The following FAM91A1 variants were observed in gnomAD, a reference collection of about 807,000 sequenced individuals.
FAM91A1 encodes protein FAM91A1.
A neutral mutation model predicts 113.5 loss-of-function variants in FAM91A1; 41 were observed. The ratio of observed to expected loss-of-function variants is 0.36; its 90% CI spans 0.28 to 0.47. The LOEUF (loss-of-function observed/expected upper bound fraction) is 0.47. FAM91A1 is among the 20% of genes least tolerant of loss of function. The pLI, the probability that FAM91A1 is intolerant of heterozygous loss-of-function variation, is 1.00. For missense variants in FAM91A1, 696 were observed against 1,001.2 expected (o/e 0.70, Z 4.11); for synonymous variants, 307 against 347.9 (o/e 0.88, Z 1.31).
Position 123,784,511 on chromosome 8 carries a change from G to T in FAM91A1, c.745G>T (p.Asp249Tyr). The T allele has an allele frequency of 6.2e-7, 1 of 1,607,090 alleles. No homozygotes were observed. The highest frequency in any genetic ancestry group is 1.1e-5 in the South Asian group (1 of 89,016). ...TTTTGTAATGAATCGAGTGCAAGGT[G>T]ATTATTTTGAAACTCTACTCTATAA... ...EGFVMNRVQG[D>Y]YFETLLYKIF... The change falls in exon 9 of 24, where the codon GAT becomes TAT. Residue 249 changes from aspartate to tyrosine, a missense_variant. By Grantham distance (160) the Asp-to-Tyr change is radical (BLOSUM62 -3). Coordinates refer to ENST00000334705, the MANE Select transcript of FAM91A1 (RefSeq NM_144963.4).
chr8:123,814,931 G>A lies in FAM91A1; in HGVS notation c.*2227G>A, dbSNP rs191728408. On this transcript the variant is annotated 3_prime_UTR_variant, in exon 24 of 24. Coordinates refer to ENST00000334705, the MANE Select transcript of FAM91A1 (RefSeq NM_144963.4). ...TTTACGTCCAATTATTTTGCAAATA[G>A]TTAATTTCATTTGGCTTTTTACCAT... 6.5e-6 allele frequency: 1 copy of A among 152,698 alleles called. No individual in the cohort carries two copies. Among genetic ancestry groups the A allele is most frequent in the Admixed American group, 6.5e-5 (1 of 15,286 alleles). 9.5% of individuals were successfully genotyped at this position (152,698 alleles called of 1,614,324 possible).
chr8:123,776,053 T>G (rs1237900215), intron 3 of FAM91A1, among the ~76,000 whole-genome samples: 1 of 152,224 alleles, frequency 6.6e-6, no homozygotes, highest in East Asian at 1.9e-4. Context: ...CCCAACATTA[T>G]ATAATACAGG....
At chr8:123,806,814 T>A (rs1247410605) in intron 20 of FAM91A1, among the ~76,000 whole-genome samples, 1 of 152,166 alleles carries the variant, frequency 6.6e-6, no homozygotes, top group Admixed American at 6.5e-5. Flanking sequence ...TTGCAACCAT[T>A]CCCTGCTTAG....
rs13249510 is a variant in FAM91A1 at position 123,787,687 on chromosome 8, A to T, written c.1215A>T (p.Thr405=). 1.2e-6 allele frequency: 2 copies of T among 1,612,814 alleles called. No homozygotes were observed. Among genetic ancestry groups the T allele is most frequent in the Admixed American group, 3.3e-5 (2 of 59,816 alleles). The change falls in exon 14 of 24, where the codon ACA becomes ACT. Residue 405 remains threonine (T), a synonymous_variant. Coordinates refer to ENST00000334705, the MANE Select transcript of FAM91A1 (RefSeq NM_144963.4). ...AGAACTTGAAAAGTCATGCAGTCAC[A>T]ATGTTTGAAGTAGGCAAACTCTCAG... ...LSPNLKSHAV[T]MFEVGKLSDE...
In FAM91A1 at chr8:123,775,539, A is replaced by G. The variant is rs78916591; in HGVS notation, c.309+241A>G. Among the ~76,000 whole-genome samples, 877 of 152,230 alleles carry G rather than the reference A, an allele frequency of 5.8e-3. 5 individuals carry two copies. Among genetic ancestry groups the G allele is most frequent in the Non-Finnish European group, 0.01 (690 of 68,016 alleles). On this transcript the variant is annotated intron_variant, in intron 3 of 23. Coordinates refer to ENST00000334705, the MANE Select transcript of FAM91A1 (RefSeq NM_144963.4). ...TTTCTCTTCTGGTCTTGAAGGTGCT[A>G]TTGACCCTTTGTGCTGTTGTAGTAC...
chr8:123,809,536 G>T (rs996300100), intron 22 of FAM91A1, among the ~76,000 whole-genome samples: 2 of 152,196 alleles, frequency 1.3e-5, no homozygotes, highest in Non-Finnish European at 2.9e-5. Context: ...CTGATCCATT[G>T]TGAGTAGCTG....
intron 18 of FAM91A1, among the ~76,000 whole-genome samples, chr8:123,802,926 CAG>C (rs1815721781): frequency 6.6e-6 from 1 of 152,190 alleles, no homozygotes; most frequent in Admixed American, 6.5e-5. Flanking sequence ...AGGAAGATCT[CAG>C]AAAACGTTAT....
At chr8:123,772,772 C>T (rs1814885958) in intron 1 of FAM91A1, among the ~76,000 whole-genome samples, 2 of 152,280 alleles carry the variant, frequency 1.3e-5, no homozygotes, top group Non-Finnish European at 2.9e-5. Flanking sequence ...TGACTGGAAG[C>T]CTCGGCCATA....
intron 18 of FAM91A1, among the ~76,000 whole-genome samples, chr8:123,803,891 G>A (rs1815743730): frequency 6.6e-6 from 1 of 152,230 alleles, no homozygotes; most frequent in South Asian, 2.1e-4. Flanking sequence ...CTCTCTTAAA[G>A]GGAAGAATTT....
At chr8:123,799,923 T>G (rs894151568) in intron 18 of FAM91A1, 38 bp downstream of exon 18, 4 of 1,484,236 alleles carry the variant, frequency 2.7e-6, no homozygotes, top group African/African-American at 1.4e-5. Flanking sequence ...CTTTTTATTA[T>G]AAAGTTGATA....
intron 16 of FAM91A1, among the ~76,000 whole-genome samples, 156 bp downstream of exon 16, chr8:123,798,394 A>G (rs2130129135): frequency 6.6e-6 from 1 of 152,254 alleles, no homozygotes; most frequent in East Asian, 1.9e-4. Context: ...CAATTTGTGG[A>G]GTGTAATTGG....
intron 8 of FAM91A1, among the ~76,000 whole-genome samples, chr8:123,783,710 G>A (rs1815181302): frequency 6.6e-6 from 1 of 152,242 alleles, no homozygotes. Flanking sequence ...GGGGAGAATG[G>A]CAAAGGAAAG....
intron 23 of FAM91A1, 48 bp from the exon 24 acceptor site, chr8:123,812,470 GT>G (rs1372054657): frequency 6.7e-7 from 1 of 1,490,230 alleles, no homozygotes; most frequent in Non-Finnish European, 9.0e-7. Flanking sequence ...ATATTAAGTG[GT>G]TTTGGTAAAG....
chr8:123,787,325 G>T lies in FAM91A1; in HGVS notation c.1143G>T (p.Leu381=), dbSNP rs1815283812. The T allele has an allele frequency of 6.2e-7, 1 of 1,611,616 alleles. No homozygotes were observed. ...GACACACGAAGCGCATCGCATTCCT[G>T]TTTGACTCCACTCTTACTGCCTTCT... ...STGHTKRIAF[L]FDSTLTAFLM... is the part of the protein sequence containing the mutation. Residue 381 remains leucine, a synonymous_variant, in exon 13 of 24, where the codon CTG becomes CTT. Transcript: ENST00000334705.
Position 123,814,977 on chromosome 8 carries a change from C to T in FAM91A1, c.*2273C>T, listed in dbSNP as rs983072263. 3.9e-5 allele frequency: 6 copies of T among 152,406 alleles called. No homozygotes were observed. Among genetic ancestry groups the T allele is most frequent in the African/African-American group, 7.3e-5 (3 of 41,378 alleles). The allele number at this position is 152,406 out of a possible 1,614,324, so 9.4% of individuals were successfully genotyped here. ...ACCATGTTCCTTCCTTTCTTTTTCCCGCTTCCTTAATGTAATTTAAACCCT... is the reference window on the plus strand; with the variant it reads ...ACCATGTTCCTTCCTTTCTTTTTCCTGCTTCCTTAATGTAATTTAAACCCT... On this transcript the variant is annotated 3_prime_UTR_variant, in exon 24 of 24. Coordinates refer to ENST00000334705, the MANE Select transcript of FAM91A1 (RefSeq NM_144963.4).
chr8:123,787,550 C>A, intron 13 of FAM91A1, 114 bp from the exon 14 acceptor site: 3 of 1,030,270 alleles, frequency 2.9e-6, no homozygotes, highest in Non-Finnish European at 4.2e-6. Flanking sequence ...ATTAGCCCCT[C>A]ACCCCCCAAT....
chr8:123,779,168 G>A (rs1815059971), intron 6 of FAM91A1, among the ~76,000 whole-genome samples: 1 of 152,206 alleles, frequency 6.6e-6, no homozygotes, highest in African/African-American at 2.4e-5. Flanking sequence ...CCAGAGGTAT[G>A]TATTATTTGT....
chr8:123,809,150 C>T (rs1044590909), intron 22 of FAM91A1, 134 bp downstream of exon 22: 14 of 1,267,228 alleles, frequency 1.1e-5, no homozygotes, highest in East Asian at 8.3e-5. Flanking sequence ...GAATAGAGAT[C>T]GCTAGTTTAA....
At chr8:123,805,561 A>G (rs1815783767) in intron 19 of FAM91A1, among the ~76,000 whole-genome samples, 1 of 152,170 alleles carries the variant, frequency 6.6e-6, no homozygotes, top group Non-Finnish European at 1.5e-5. Context: ...AAAGACTACT[A>G]GTCTGTCTTG....
Sources: gnomAD v4.1 joint callset for allele counts (sites outside exome capture counted in the v4.1 genomes callset) on GRCh38, gnomAD v4.1.1 for gene constraint, MANE v1.5 for transcripts, NCBI Gene and HGNC (gene_info 2026-07-23, HGNC 2026-07-21) for gene names.